REC114: variants seen among roughly 807,000 people sequenced by gnomAD.
REC114 encodes REC114 meiotic recombination protein, also known as meiotic recombination protein REC114.
Under a neutral mutation model 31.3 loss-of-function variants are expected in REC114, and 27 were observed. The observed-to-expected ratio is 0.86, with a 90% CI of 0.64 to 1.19. REC114 has a LOEUF of 1.19. Among genes scored for constraint, REC114 ranks in the 50% most tolerant of loss-of-function variants. REC114 has a pLI of 0.00. For synonymous variants in REC114, 134 were observed against 127.7 expected (o/e 1.05, Z -0.33); for missense variants, 344 against 326.9 (o/e 1.05, Z -0.40).
Position 73,480,274 on chromosome 15 carries a change from T to C in REC114, c.249+6353T>C, listed in dbSNP as rs985890084. 2.0e-4 allele frequency among the ~76,000 whole-genome samples: 31 copies of C among 151,914 alleles called. 1 individual carries two copies. The highest frequency in any genetic ancestry group is 5.8e-4 in the African/African-American group (24 of 41,440). On this transcript the variant is annotated intron_variant, in intron 2 of 5. Transcript: ENST00000331090. ...ATTCAGGTCTTTTGCTAATTTTTTT[T>C]ATTTTTATTTTTTTGAAATGGAGTT...
chr15:73,548,571 G>A (rs751319521), intron 3 of REC114, among the ~76,000 whole-genome samples: 1 of 152,148 alleles, frequency 6.6e-6, no homozygotes, highest in Admixed American at 6.5e-5. Context: ...AACAGATGCT[G>A]GCGAGTTGTA....
intron 2 of REC114, among the ~76,000 whole-genome samples, chr15:73,537,153 G>A (rs1324661823): frequency 1.3e-5 from 2 of 152,100 alleles, no homozygotes; most frequent in Non-Finnish European, 2.9e-5. Flanking sequence ...TTATAGTCTA[G>A]TGAAAAAATA....
In REC114 at chr15:73,467,760, A is replaced by G. The variant is rs1052470114; in HGVS notation, c.160-6072A>G. ...CTAATTTCTTAGTGCTGCTGTAACAAGCTATAAACTTAGTGGCTTAAAACA... is the reference window on the plus strand; with the variant it reads ...CTAATTTCTTAGTGCTGCTGTAACAGGCTATAAACTTAGTGGCTTAAAACA... On this transcript the variant is annotated intron_variant, in intron 1 of 5. Transcript: ENST00000331090. Among the ~76,000 whole-genome samples the G allele has an allele frequency of 1.3e-4, 20 of 152,246 alleles. 1 individual carries two copies. The highest frequency in any genetic ancestry group is 3.6e-4 in the African/African-American group (15 of 41,474).
At chr15:73,503,520 A>G (rs767190943) in intron 2 of REC114, among the ~76,000 whole-genome samples, 3 of 152,206 alleles carry the variant, frequency 2.0e-5, no homozygotes, top group Non-Finnish European at 4.4e-5. Flanking sequence ...ATAAAATAAG[A>G]TTGATCATGA....
intron 2 of REC114, among the ~76,000 whole-genome samples, chr15:73,532,149 A>G (rs1894094762): frequency 7.0e-6 from 1 of 142,034 alleles, no homozygotes; most frequent in African/African-American, 2.7e-5. Context: ...CCCACCCCAC[A>G]ACAGTCCCCA....
At chr15:73,451,290 A>G (rs1204246792) in intron 1 of REC114, among the ~76,000 whole-genome samples, 1 of 152,228 alleles carries the variant, frequency 6.6e-6, no homozygotes, top group Admixed American at 6.5e-5. Flanking sequence ...AAAAAATGAT[A>G]AAGGGGCTGT....
intron 2 of REC114, among the ~76,000 whole-genome samples, chr15:73,508,088 G>C (rs1893705997): frequency 2.6e-5 from 4 of 152,020 alleles, no homozygotes; most frequent in Non-Finnish European, 5.9e-5. Flanking sequence ...TGTTCTTCTT[G>C]TTTTCTGTCT....
chr15:73,540,724 TAG>T (rs1220608356), intron 3 of REC114, among the ~76,000 whole-genome samples, 156 bp downstream of exon 3: 2 of 152,118 alleles, frequency 1.3e-5, no homozygotes, highest in Non-Finnish European at 2.9e-5. Flanking sequence ...ACAAGGACCG[TAG>T]AGAGGCAGAA....
chr15:73,516,993 T>C (rs1893867493), intron 2 of REC114, among the ~76,000 whole-genome samples: 1 of 152,200 alleles, frequency 6.6e-6, no homozygotes. Flanking sequence ...ATTTCATTCA[T>C]CCCAAAATGT....
intron 1 of REC114, among the ~76,000 whole-genome samples, chr15:73,449,181 G>A (rs1398333043): frequency 6.6e-6 from 1 of 152,026 alleles, no homozygotes; most frequent in Non-Finnish European, 1.5e-5. Flanking sequence ...TCAGAAGGTG[G>A]GTAATAACAA....
At chr15:73,450,845 A>G (rs963208144) in intron 1 of REC114, among the ~76,000 whole-genome samples, 3 of 152,208 alleles carry the variant, frequency 2.0e-5, no homozygotes, top group Non-Finnish European at 4.4e-5. Flanking sequence ...TCAAAACCGC[A>G]CAACTACATG....
chr15:73,499,334 A>C (rs1266350992), intron 2 of REC114, among the ~76,000 whole-genome samples: 1 of 152,022 alleles, frequency 6.6e-6, no homozygotes, highest in Non-Finnish European at 1.5e-5. Flanking sequence ...TCATGTGGAG[A>C]GTGTTTTAAA....
At chr15:73,445,995 A>T (rs924007846) in intron 1 of REC114, among the ~76,000 whole-genome samples, 1 of 152,234 alleles carries the variant, frequency 6.6e-6, no homozygotes, top group African/African-American at 2.4e-5. Context: ...TGTGTAAAAA[A>T]TGTAATATCT....
intron 2 of REC114, among the ~76,000 whole-genome samples, chr15:73,486,320 G>A (rs1170248563): frequency 6.6e-6 from 1 of 151,974 alleles, no homozygotes; most frequent in Non-Finnish European, 1.5e-5. Flanking sequence ...CTGGTCTCGA[G>A]CTCCTGACCG....
At chr15:73,445,301 T>C (rs1892750090) in intron 1 of REC114, among the ~76,000 whole-genome samples, 1 of 152,226 alleles carries the variant, frequency 6.6e-6, no homozygotes, top group African/African-American at 2.4e-5. Flanking sequence ...AAAGGCTGTT[T>C]TGAATACGTT....
intron 1 of REC114, 96 bp downstream of exon 1, chr15:73,443,440 C>T (rs1892725196): frequency 1.5e-6 from 2 of 1,360,786 alleles, no homozygotes; most frequent in South Asian, 1.5e-5. Flanking sequence ...AAAGCAATGC[C>T]GAGGGGACAC....
intron 1 of REC114, among the ~76,000 whole-genome samples, chr15:73,462,492 A>C (rs913430161): frequency 1.3e-5 from 2 of 152,202 alleles, no homozygotes; most frequent in African/African-American, 4.8e-5. Context: ...GACAAAGAAC[A>C]TGGAAGCCTC....
At chr15:73,458,084 A>G (rs1263784250) in intron 1 of REC114, among the ~76,000 whole-genome samples, 1 of 152,128 alleles carries the variant, frequency 6.6e-6, no homozygotes, top group South Asian at 2.1e-4. Context: ...GTGGCTCTCT[A>G]ATTGATTCTA....
chr15:73,457,952 G>A (rs1032409355), intron 1 of REC114, among the ~76,000 whole-genome samples: 2 of 152,186 alleles, frequency 1.3e-5, no homozygotes, highest in African/African-American at 4.8e-5. Context: ...GATAGGTGGG[G>A]CTTGATCACT....
Sources: gnomAD v4.1 joint callset for allele counts (sites outside exome capture counted in the v4.1 genomes callset) on GRCh38, gnomAD v4.1.1 for gene constraint, MANE v1.5 for transcripts, NCBI Gene and HGNC (gene_info 2026-07-23, HGNC 2026-07-21) for gene names.